Variants in FLYWCH1 observed in about 807,000 individuals in gnomAD.
The protein encoded by FLYWCH1 is FLYWCH-type zinc finger 1.
Under a neutral mutation model 66.4 loss-of-function variants are expected in FLYWCH1, and 75 were observed. The observed-to-expected ratio is 1.13, with a 90% CI of 0.94 to 1.37. FLYWCH1 has a LOEUF of 1.37. FLYWCH1 is among the 40% of genes most tolerant of loss of function. The pLI, the probability that FLYWCH1 is intolerant of heterozygous loss-of-function variation, is 0.00. For synonymous variants in FLYWCH1, 595 were observed against 429.9 expected, an observed-to-expected ratio of 1.38 and a Z score of -4.75; for missense variants, 1,334 against 1,001.8, an observed-to-expected ratio of 1.33 and a Z score of -4.48.
chr16:2,916,076 G>A (rs991662730), intron 2 of FLYWCH1, among the ~76,000 whole-genome samples: 4 of 152,278 alleles, frequency 2.6e-5, no homozygotes, highest in East Asian at 1.9e-4. Flanking sequence ...GCCAGGTGCC[G>A]TGGCTCACAC....
chr16:2,930,743 GC>G lies in FLYWCH1; in HGVS notation c.662del (p.Pro221ArgfsTer16). On this transcript the variant is annotated frameshift_variant, in exon 4 of 10. Transcript: ENST00000253928. LOFTEE classifies it high-confidence loss of function. ...GRVEEPLEGV[G>X]PWQCPEEPEP... ...GTGGAGGAGCCCCTGGAGGGGGTGG[GC>G]CCGTGGCAGTGCCCTGAGGAGCCCG... 1 of 1,557,844 alleles carries G rather than the reference GC, an allele frequency of 6.4e-7. No homozygotes were observed. The highest frequency in any genetic ancestry group is 1.9e-5 in the Admixed American group (1 of 52,764).
chr16:2,921,052 C>A (rs527266288), intron 2 of FLYWCH1, among the ~76,000 whole-genome samples: 17 of 151,214 alleles, frequency 1.1e-4, no homozygotes, highest in East Asian at 7.9e-4. Context: ...TGTGTTAGCC[C>A]GGATGGTCTC....
chr16:2,917,983 G>T (rs976730141), intron 2 of FLYWCH1, among the ~76,000 whole-genome samples: 10 of 151,366 alleles, frequency 6.6e-5, no homozygotes, highest in Non-Finnish European at 1.2e-4. Flanking sequence ...GATTACAGGC[G>T]CCCGCCACCA....
At position 2,930,500 on chromosome 16, in the gene FLYWCH1, T is replaced by C. The variant is rs1375909128; in HGVS notation, c.416T>C (p.Val139Ala). 1.3e-6 allele frequency: 2 copies of C among 1,533,848 alleles called. No individual in the cohort carries two copies. Among genetic ancestry groups the C allele is most frequent in the East Asian group, 4.8e-5 (2 of 41,784 alleles). The change falls in exon 4 of 10, where the codon GTG becomes GCG. Residue 139 changes from valine to alanine, a missense_variant. Transcript: ENST00000253928. ...ESFLYKQEKA[V>A]GDKVYWKCRQ... ...TTCCTGTACAAGCAGGAGAAGGCAG[T>C]GGGGGACAAGGTGTACTGGAAGTGC...
In FLYWCH1 at chr16:2,949,050, G is replaced by A. The variant is rs2071599736; in HGVS notation, c.*323G>A. The A allele has an allele frequency of 2.5e-6, 1 of 400,316 alleles. No individual in the cohort carries two copies. 24.8% of individuals were successfully genotyped at this position (400,316 alleles called of 1,614,324 possible). Reference sequence around the variant, plus strand: ...CTGCTGTACGGCCACAGCACCCCTGGGTTTGCAGAGCACGCAGCCTTCCTA... The same window carrying A: ...CTGCTGTACGGCCACAGCACCCCTGAGTTTGCAGAGCACGCAGCCTTCCTA... On this transcript the variant is annotated 3_prime_UTR_variant, in exon 10 of 10. Coordinates refer to ENST00000253928, the MANE Select transcript of FLYWCH1 (RefSeq NM_001308068.2).
At chr16:2,919,963 C>A (rs1359374843) in intron 2 of FLYWCH1, among the ~76,000 whole-genome samples, 1 of 152,092 alleles carries the variant, frequency 6.6e-6, no homozygotes, top group Non-Finnish European at 1.5e-5. Context: ...CTGGTGGGGG[C>A]TTCCTGCTCT....
intron 6 of FLYWCH1, chr16:2,934,912 G>T: frequency 5.6e-6 from 1 of 177,190 alleles, no homozygotes; most frequent in South Asian, 8.1e-5. Flanking sequence ...TGCACTTCTT[G>T]CACAGGCTTT....
chr16:2,933,470 T>G lies in FLYWCH1; in HGVS notation c.1137T>G (p.Gly379=). The G allele has an allele frequency of 1.2e-6, 2 of 1,603,888 alleles. No individual in the cohort carries two copies. The highest frequency in any genetic ancestry group is 2.2e-5 in the South Asian group (2 of 89,580). The part of the protein sequence containing the change: ...VDSLLYRRGP[G]PLTLTRPRPR... ...GTTTGCTCTACCGCAGGGGTCCGGG[T>G]CCCCTGACTCTCACCAGGCCTCGGC... The change falls in exon 5 of 10, where the codon GGT becomes GGG. Residue 379 remains glycine, a synonymous_variant. Transcript: ENST00000253928.
chr16:2,934,631 C>T (rs753710073), intron 6 of FLYWCH1: 2 of 456,846 alleles, frequency 4.4e-6, no homozygotes, highest in African/African-American at 2.0e-5. Context: ...GCCTCTCTTT[C>T]CAGTGGCTCT....
intron 8 of FLYWCH1, among the ~76,000 whole-genome samples, chr16:2,939,225 C>T (rs2071155109): frequency 6.6e-6 from 1 of 152,138 alleles, no homozygotes; most frequent in Non-Finnish European, 1.5e-5. Flanking sequence ...GCAGGCGGAT[C>T]ACCTGAGGTC....
intron 9 of FLYWCH1, among the ~76,000 whole-genome samples, chr16:2,945,786 A>T (rs891655637): frequency 1.3e-5 from 2 of 152,146 alleles, no homozygotes; most frequent in Admixed American, 1.3e-4. Context: ...TCATGAGATC[A>T]GGAGATCAAG....
Position 2,933,155 on chromosome 16 carries a change from G to A in FLYWCH1, c.822G>A (p.Leu274=). The change falls in exon 5 of 10, where the codon CTG becomes CTA. Residue 274 remains leucine, a synonymous_variant. Coordinates refer to ENST00000253928, the MANE Select transcript of FLYWCH1 (RefSeq NM_001308068.2). ...GACAGGCCCGGCCCCTCGAGTTCCT[G>A]AGGACGTGCTACGGGGGCAGCTTCC... The part of the protein sequence containing the change: ...GLGQARPLEF[L]RTCYGGSFLV... 6.2e-7 allele frequency: 1 copy of A among 1,613,610 alleles called. No individual in the cohort carries two copies.
chr16:2,944,472 ATTAT>A (rs1399839672), intron 9 of FLYWCH1, among the ~76,000 whole-genome samples: 1 of 151,994 alleles, frequency 6.6e-6, no homozygotes, highest in East Asian at 1.9e-4. Context: ...ATGTTATTAG[ATTAT>A]TTACTATACT....
intron 4 of FLYWCH1, 123 bp downstream of exon 4, chr16:2,931,003 A>G (rs763255243): frequency 7.6e-6 from 6 of 788,844 alleles, no homozygotes; most frequent in Non-Finnish European, 1.2e-5. Context: ...AGCTAAAATG[A>G]CTTTTAAAAA....
At position 2,938,300 on chromosome 16, in the gene FLYWCH1, C is replaced by T. The variant is rs750748295; in HGVS notation, c.1894C>T (p.Arg632Trp). 39 of 1,611,032 alleles carry T rather than the reference C, an allele frequency of 2.4e-5. No individual in the cohort carries two copies. The highest frequency in any genetic ancestry group is 6.7e-5 in the Admixed American group (4 of 59,706). ...AAGEKVYWMC[R>W]DQARLGCRSR... ...TGGGGAGAAGGTGTACTGGATGTGC[C>T]GGGACCAGGCTCGGCTGGGCTGCCG... is the stretch of plus-strand genomic sequence containing the variant. The change falls in exon 8 of 10, where the codon CGG becomes TGG. Residue 632 changes from arginine (R) to tryptophan (W), a missense_variant. Transcript: ENST00000253928.
intron 4 of FLYWCH1, 140 bp from the exon 5 acceptor site, chr16:2,932,990 A>G: frequency 1.4e-6 from 1 of 723,846 alleles, no homozygotes; most frequent in South Asian, 1.9e-5. Context: ...GGGGCCTCTG[A>G]CATATCTGGC....
In FLYWCH1 at chr16:2,937,273, G is replaced by A; in HGVS notation, c.1666G>A (p.Gly556Ser). ...CTGCCGCAGCCGCGCCATCACCCAG[G>A]GCCGGCGGGTCATGGTCATGCGCAG... ...MGCRSRAITQ[G>S]RRVMVMRRHC... The change falls in exon 7 of 10, where the codon GGC (glycine) becomes AGC (serine). Residue 556 changes from glycine (G) to serine (S), a missense_variant. By Grantham distance (56) the Gly-to-Ser change is moderately conservative. Coordinates refer to ENST00000253928, the MANE Select transcript of FLYWCH1 (RefSeq NM_001308068.2). The A allele has an allele frequency of 6.2e-7, 1 of 1,605,906 alleles. No individual in the cohort carries two copies. The highest frequency in any genetic ancestry group is 1.3e-5 in the African/African-American group (1 of 74,902).
rs1480392557 is a variant in FLYWCH1 at position 2,914,236 on chromosome 16, C to G, written c.-127C>G. ...CCGGGGCTCCTGCCCAGCAAGCCAGCGCCGTGACCCAGGTGTGGGGGATGA... is the reference window on the plus strand; with the variant it reads ...CCGGGGCTCCTGCCCAGCAAGCCAGGGCCGTGACCCAGGTGTGGGGGATGA... On this transcript the variant is annotated 5_prime_UTR_variant, in exon 2 of 10. Transcript: ENST00000253928. 2.0e-5 allele frequency: 3 copies of G among 152,276 alleles called. No individual in the cohort carries two copies. Among genetic ancestry groups the G allele is most frequent in the Non-Finnish European group, 4.4e-5 (3 of 68,070 alleles). 9.4% of individuals were successfully genotyped at this position (152,276 alleles called of 1,614,324 possible).
intron 6 of FLYWCH1, chr16:2,934,584 C>G (rs1289998574): frequency 1.3e-5 from 6 of 453,344 alleles, no homozygotes; most frequent in Non-Finnish European, 2.2e-5. Context: ...GTGGCCTCCT[C>G]CACTCACCTG....
Sources: allele counts gnomAD v4.1 joint callset (sites outside exome capture counted in the v4.1 genomes callset), GRCh38; gene constraint gnomAD v4.1.1; transcripts MANE v1.5; gene names NCBI Gene and HGNC (gene_info 2026-07-23, HGNC 2026-07-21).